CLTA: variants seen among roughly 807,000 people sequenced by gnomAD.
CLTA encodes the protein clathrin light chain A, also known as clathrin, light polypeptide (Lca).
Under a neutral mutation model 26.9 loss-of-function variants are expected in CLTA, and 9 were observed. The ratio of observed to expected loss-of-function variants is 0.33; its 90% CI spans 0.20 to 0.58. CLTA has a LOEUF of 0.58. Among genes scored for constraint, CLTA ranks in the 20% least tolerant of loss-of-function variants. The pLI, the probability that CLTA is intolerant of heterozygous loss-of-function variation, is 0.85. For synonymous variants in CLTA, 120 were observed against 115.5 expected, an observed-to-expected ratio of 1.04 and a Z score of -0.25; for missense variants, 278 against 294.2, an observed-to-expected ratio of 0.94 and a Z score of 0.40.
At chr9:36,207,045 G>C (rs1234791891) in intron 4 of CLTA, among the ~76,000 whole-genome samples, 2 of 152,200 alleles carry the variant, frequency 1.3e-5, no homozygotes, top group African/African-American at 4.8e-5. Flanking sequence ...GAGACAGGAA[G>C]GGCATCCAGT....
intron 2 of CLTA, 143 bp downstream of exon 2, chr9:36,197,731 G>C: frequency 1.6e-6 from 1 of 642,386 alleles, no homozygotes; most frequent in Non-Finnish European, 2.7e-6. Context: ...TACCAAAGTG[G>C]AAAGATTTAA....
chr9:36,200,388 A>G (rs1827337348), intron 3 of CLTA, among the ~76,000 whole-genome samples: 1 of 152,214 alleles, frequency 6.6e-6, no homozygotes, highest in Non-Finnish European at 1.5e-5. Flanking sequence ...GACATCATAT[A>G]CTTTGTGTCT....
chr9:36,198,287 C>T (rs1013046551), intron 2 of CLTA, among the ~76,000 whole-genome samples: 2 of 151,852 alleles, frequency 1.3e-5, no homozygotes, highest in Non-Finnish European at 2.9e-5. Flanking sequence ...CGTGAGCCAC[C>T]GCACCCCGCC....
intron 4 of CLTA, chr9:36,209,306 C>T (rs757567260): frequency 2.4e-5 from 38 of 1,612,186 alleles, no homozygotes; most frequent in Non-Finnish European, 3.2e-5. Flanking sequence ...CCTTCGCTGA[C>T]GTGATTGGTT....
chr9:36,192,543 G>A (rs1326466361), intron 1 of CLTA, among the ~76,000 whole-genome samples: 4 of 152,146 alleles, frequency 2.6e-5, no homozygotes, highest in Non-Finnish European at 5.9e-5. Flanking sequence ...CTTTATAGCG[G>A]GTAGGTTGGA....
intron 1 of CLTA, among the ~76,000 whole-genome samples, chr9:36,191,511 T>C (rs1287156164): frequency 1.3e-5 from 2 of 152,056 alleles, no homozygotes; most frequent in Non-Finnish European, 2.9e-5. Context: ...AAGTGTAGGG[T>C]GGCAGGCTCC....
intron 4 of CLTA, among the ~76,000 whole-genome samples, chr9:36,206,861 C>G (rs1373915867): frequency 6.6e-6 from 1 of 152,052 alleles, no homozygotes; most frequent in Non-Finnish European, 1.5e-5. Context: ...CGCCACTGCA[C>G]TCCAGCCTGG....
At chr9:36,204,650 A>G (rs1264571466) in intron 4 of CLTA, among the ~76,000 whole-genome samples, 1 of 152,198 alleles carries the variant, frequency 6.6e-6, no homozygotes, top group Non-Finnish European at 1.5e-5. Context: ...CAACATGATT[A>G]TTTTAGAATT....
intron 4 of CLTA, chr9:36,209,080 C>A: frequency 5.2e-6 from 1 of 192,312 alleles, no homozygotes; most frequent in Non-Finnish European, 9.6e-6. Context: ...CGTGGGAAGG[C>A]CAGCGGGAAA....
intron 1 of CLTA, among the ~76,000 whole-genome samples, chr9:36,191,641 C>T (rs1826729536): frequency 6.6e-6 from 1 of 152,156 alleles, no homozygotes; most frequent in African/African-American, 2.4e-5. Flanking sequence ...GCTTATAAGT[C>T]TGAGCCGAGC....
chr9:36,197,427 C>T, intron 1 of CLTA, 124 bp from the exon 2 acceptor site: 1 of 632,928 alleles, frequency 1.6e-6, no homozygotes, highest in Non-Finnish European at 2.8e-6. Flanking sequence ...ATAGCACCTA[C>T]CACAGGGATA....
intron 1 of CLTA, 52 bp from the exon 2 acceptor site, chr9:36,197,499 G>T: frequency 1.5e-6 from 2 of 1,312,850 alleles, no homozygotes; most frequent in Non-Finnish European, 2.2e-6. Flanking sequence ...CAACCCTTTG[G>T]CCCAGTGTTT....
chr9:36,209,443 G>A (rs1827915777), intron 4 of CLTA: 3 of 759,720 alleles, frequency 3.9e-6, no homozygotes, highest in Non-Finnish European at 6.8e-6. Flanking sequence ...GCACTTTGGG[G>A]GCTGCCTAAG....
intron 1 of CLTA, among the ~76,000 whole-genome samples, chr9:36,197,139 T>C (rs917176271): frequency 4.6e-5 from 7 of 152,202 alleles, no homozygotes; most frequent in Non-Finnish European, 1.0e-4. Context: ...TGGGCCACTT[T>C]GCTCCAGCCT....
intron 3 of CLTA, among the ~76,000 whole-genome samples, chr9:36,200,697 T>C (rs978630457): frequency 2.0e-5 from 3 of 152,244 alleles, no homozygotes; most frequent in Non-Finnish European, 4.4e-5. Flanking sequence ...AAATATTCTG[T>C]ATCTGTGCTG....
In CLTA at chr9:36,204,210, T is replaced by C. The variant is rs1827588307; in HGVS notation, c.485+31T>C. ...TCCGTGGTGGTTGTAGCACACTTTGTTTTCCAAAATTGAATCAAATCCATT... is the reference window on the plus strand; with the variant it reads ...TCCGTGGTGGTTGTAGCACACTTTGCTTTCCAAAATTGAATCAAATCCATT... On this transcript the variant is annotated intron_variant, in intron 4 of 4. Transcript: ENST00000345519. The C allele has an allele frequency of 1.9e-6, 3 of 1,586,888 alleles. No individual in the cohort carries two copies. The Admixed American group carries it at 5.4e-5, about 29-fold the overall frequency.
chr9:36,210,724 C>T, intron 4 of CLTA: 2 of 1,596,494 alleles, frequency 1.3e-6, no homozygotes, highest in South Asian at 1.1e-5. Context: ...GTTGTAGTGG[C>T]TCTGGGCTTC....
chr9:36,203,502 CTAA>C (rs1390243590), intron 3 of CLTA, among the ~76,000 whole-genome samples: 2 of 152,178 alleles, frequency 1.3e-5, no homozygotes, highest in Non-Finnish European at 2.9e-5. Flanking sequence ...GGTAATTGTC[CTAA>C]TAGCACCCTG....
chr9:36,208,852 C>G (rs1175551069), intron 4 of CLTA, among the ~76,000 whole-genome samples: 2 of 152,198 alleles, frequency 1.3e-5, no homozygotes, highest in Non-Finnish European at 2.9e-5. Flanking sequence ...TGTGGTGTAG[C>G]TGAGCAAGTT....
Sources: allele counts gnomAD v4.1 joint callset (sites outside exome capture counted in the v4.1 genomes callset), GRCh38; gene constraint gnomAD v4.1.1; transcripts MANE v1.5; gene names NCBI Gene and HGNC (gene_info 2026-07-23, HGNC 2026-07-21).